Variants in TLE3 observed in about 807,000 individuals in gnomAD.
The protein encoded by TLE3 is transducin-like enhancer protein 3.
Under a neutral mutation model 93.0 loss-of-function variants are expected in TLE3, and 14 were observed. The observed-to-expected ratio is 0.15, with a 90% CI of 0.10 to 0.24. The LOEUF (loss-of-function observed/expected upper bound fraction) is 0.24. Among genes scored for constraint, TLE3 ranks in the 10% least tolerant of loss-of-function variants. TLE3 has a pLI of 1.00. For missense variants in TLE3, 693 were observed against 1,046.6 expected, an observed-to-expected ratio of 0.66 and a Z score of 4.66; for synonymous variants, 451 against 425.0, an observed-to-expected ratio of 1.06 and a Z score of -0.75.
intron 1 of TLE3, 174 bp from the exon 2 acceptor site, chr15:70,096,435 C>T (rs1160284929): frequency 1.6e-6 from 2 of 1,263,288 alleles, no homozygotes; most frequent in Admixed American, 2.8e-5. Context: ...CCCATCTCTC[C>T]CCGTCGGCAG....
In TLE3 at chr15:70,049,855, G is replaced by C. The variant is rs1025158318; in HGVS notation, c.*242C>G. 2 of 442,980 alleles carry C rather than the reference G, an allele frequency of 4.5e-6. No homozygotes were observed. Among genetic ancestry groups the C allele is most frequent in the South Asian group, 3.1e-5 (1 of 32,498 alleles). The allele number at this position is 442,980 out of a possible 1,614,324, so 27.4% of individuals were successfully genotyped here. ...ATAAATCTATTTGTAGCAACTGCCA[G>C]CATTGTTCAGGGGGAGGAGGAGGAG... On this transcript the variant is annotated 3_prime_UTR_variant, in exon 20 of 20. Coordinates refer to ENST00000451782, the MANE Select transcript of TLE3 (RefSeq NM_001105192.3).
At chr15:70,057,718 G>A (rs997748820) in intron 12 of TLE3, 60 bp from the exon 13 acceptor site, 47 of 1,522,440 alleles carry the variant, frequency 3.1e-5, no homozygotes, top group African/African-American at 4.1e-5. Context: ...GGCCATGGCC[G>A]CCTCACCCAG....
intron 4 of TLE3, among the ~76,000 whole-genome samples, chr15:70,078,534 C>T (rs2141860658): frequency 6.6e-6 from 1 of 152,394 alleles, no homozygotes; most frequent in African/African-American, 2.4e-5. Context: ...AATAGTATCA[C>T]TGGCATCTCT....
At position 70,058,890 on chromosome 15, in the gene TLE3, A is replaced by G; in HGVS notation, c.766-75T>C. ...GAGGCTTCCCTGCTCTGGGAGTGGGAAGAGAGAGGGCATGGGCGATGGGAA... is the reference window on the plus strand; with the variant it reads ...GAGGCTTCCCTGCTCTGGGAGTGGGGAGAGAGAGGGCATGGGCGATGGGAA... On this transcript the variant is annotated intron_variant, in intron 10 of 19. Coordinates refer to ENST00000451782, the MANE Select transcript of TLE3 (RefSeq NM_001105192.3). This position sits in a 1 kb window ranked among gnomAD's most constrained non-coding sequence, Gnocchi z 4.1. 1 of 1,462,428 alleles carries G rather than the reference A, an allele frequency of 6.8e-7. No homozygotes were observed. Among genetic ancestry groups the G allele is most frequent in the Non-Finnish European group, 9.0e-7 (1 of 1,109,832 alleles). The allele number at this position is 1,462,428 out of a possible 1,614,324, so 90.6% of individuals were successfully genotyped here.
Position 70,058,072 on chromosome 15 carries a change from T to G in TLE3, c.1051+87A>C. The G allele has an allele frequency of 6.3e-7, 1 of 1,587,324 alleles. No individual in the cohort carries two copies. Among genetic ancestry groups the G allele is most frequent in the African/African-American group, 1.3e-5 (1 of 74,486 alleles). ...GAGACACTGCCTGTGCTCTATCCCA[T>G]GCGTGTGTGTCACCCCTGCCCTGGC... On this transcript the variant is annotated intron_variant, in intron 12 of 19. Transcript: ENST00000451782. This position sits in a 1 kb window ranked among gnomAD's most constrained non-coding sequence, Gnocchi z 4.1.
Position 70,059,312 on chromosome 15 carries a change from A to G in TLE3, c.765+98T>C. 2.8e-6 allele frequency: 4 copies of G among 1,408,754 alleles called. No homozygotes were observed. In the South Asian group the frequency reaches 5.3e-5, roughly 19 times the overall value. 87.3% of individuals were successfully genotyped at this position (1,408,754 alleles called of 1,614,324 possible). A position where few individuals can be genotyped will look rare whatever the true frequency, so the allele number is the denominator to read the frequency against. On this transcript the variant is annotated intron_variant, in intron 10 of 19. Coordinates refer to ENST00000451782, the MANE Select transcript of TLE3 (RefSeq NM_001105192.3). Reference sequence around the variant, plus strand: ...GCCTTGTCTCCCTGCTCAGGCTGCCAGTAATACTAGAACAGACAGAATAGA... The same window carrying G: ...GCCTTGTCTCCCTGCTCAGGCTGCCGGTAATACTAGAACAGACAGAATAGA...
intron 4 of TLE3, among the ~76,000 whole-genome samples, chr15:70,087,702 G>A (rs1294194362): frequency 2.0e-5 from 3 of 151,884 alleles, no homozygotes; most frequent in Non-Finnish European, 4.4e-5. Context: ...GGTTTCCCTG[G>A]CCTCTCAGGC....
intron 16 of TLE3, chr15:70,053,597 T>A: frequency 2.5e-6 from 1 of 400,306 alleles, no homozygotes; most frequent in Non-Finnish European, 4.3e-6. Context: ...ACAAGTCCCC[T>A]GGGAAATGGG....
rs953716307 is a variant in TLE3, at chr15:70,052,117, C to A, written c.2125+257G>T. Among the ~76,000 whole-genome samples, 93 of 152,180 alleles carry A rather than the reference C, an allele frequency of 6.1e-4. 1 individual carries two copies. The highest frequency in any genetic ancestry group is 6.0e-4 in the Non-Finnish European group (41 of 68,026). On this transcript the variant is annotated intron_variant, in intron 18 of 19. Transcript: ENST00000451782. ...CACTGCTACTGTCCTGTTCCTTTGC[C>A]CCAAGCCTGCAAGAACTGGCTCTGG...
chr15:70,050,058 G>A lies in TLE3; in HGVS notation c.*39C>T. The A allele has an allele frequency of 6.3e-7, 1 of 1,576,704 alleles. No individual in the cohort carries two copies. Among genetic ancestry groups the A allele is most frequent in the Non-Finnish European group, 8.7e-7 (1 of 1,146,572 alleles). On this transcript the variant is annotated 3_prime_UTR_variant, in exon 20 of 20. Transcript: ENST00000451782. Reference sequence around the variant, plus strand: ...GGGTCTCCCTGTCAGAGCCGAGTCGGTTTCTCCCAGAGTTTGACAGCCCTG... The same window carrying A: ...GGGTCTCCCTGTCAGAGCCGAGTCGATTTCTCCCAGAGTTTGACAGCCCTG...
At position 70,097,790 on chromosome 15, in the gene TLE3, A is replaced by ACG. The variant is rs1354899244; in HGVS notation, c.-994_-993dup. ...AAACACACACACCCAACACACACAC[A>ACG]CGCGCGCACGCACACACACACACAC... On this transcript the variant is annotated 5_prime_UTR_variant, in exon 1 of 20. Coordinates refer to ENST00000451782, the MANE Select transcript of TLE3 (RefSeq NM_001105192.3). The ACG allele has an allele frequency of 1.5e-4, 53 of 361,938 alleles. No individual in the cohort carries two copies. Among genetic ancestry groups the ACG allele is most frequent in the African/African-American group, 1.2e-3 (50 of 43,478 alleles). 22.4% of individuals were successfully genotyped at this position (361,938 alleles called of 1,614,324 possible).
intron 6 of TLE3, among the ~76,000 whole-genome samples, chr15:70,073,788 C>G (rs1223118878): frequency 1.3e-5 from 2 of 152,192 alleles, no homozygotes; most frequent in Admixed American, 1.3e-4. Flanking sequence ...TCACTAGCCT[C>G]ACACCAAAGC....
At chr15:70,091,311 GC>G (rs2058296457) in intron 4 of TLE3, among the ~76,000 whole-genome samples, 1 of 152,260 alleles carries the variant, frequency 6.6e-6, no homozygotes, top group South Asian at 2.1e-4. Context: ...TGAAAAGGCT[GC>G]CTGACCCAGC....
intron 8 of TLE3, chr15:70,060,895 G>A (rs1307812303): frequency 3.9e-6 from 2 of 519,026 alleles, no homozygotes; most frequent in Non-Finnish European, 7.2e-6. Context: ...GCTCTGCACT[G>A]CTATTAAATA....
In TLE3 at chr15:70,058,854, C is replaced by T. The variant is rs1484646893; in HGVS notation, c.766-39G>A. On this transcript the variant is annotated intron_variant, in intron 10 of 19. Coordinates refer to ENST00000451782, the MANE Select transcript of TLE3 (RefSeq NM_001105192.3). The surrounding 1 kb of genome is among the most constrained non-coding windows in gnomAD (Gnocchi z 4.1). ...TGATGCAGAGATGCACTGAAAGCAACAGCCAGCCTCGAGGCTTCCCTGCTC... is the reference window on the plus strand; with the variant it reads ...TGATGCAGAGATGCACTGAAAGCAATAGCCAGCCTCGAGGCTTCCCTGCTC... The T allele has an allele frequency of 6.6e-7, 1 of 1,511,578 alleles. No homozygotes were observed. Among genetic ancestry groups the T allele is most frequent in the Non-Finnish European group, 8.8e-7 (1 of 1,131,716 alleles). 93.6% of individuals were successfully genotyped at this position (1,511,578 alleles called of 1,614,324 possible).
rs2055363527 is a variant in TLE3, at chr15:70,049,830, A to T, written c.*267T>A. 1.1e-5 allele frequency: 4 copies of T among 368,226 alleles called. No individual in the cohort carries two copies. Among genetic ancestry groups the T allele is most frequent in the Admixed American group, 3.8e-5 (1 of 26,436 alleles). The allele number at this position is 368,226 out of a possible 1,614,324, so 22.8% of individuals were successfully genotyped here. A position where few individuals can be genotyped will look rare whatever the true frequency, so the allele number is the denominator to read the frequency against. On this transcript the variant is annotated 3_prime_UTR_variant, in exon 20 of 20. Transcript: ENST00000451782. ...GGGGAACCGGAGCCATAAGCCTCCA[A>T]TAAATCTATTTGTAGCAACTGCCAG...
chr15:70,085,413 T>C (rs1431382536), intron 4 of TLE3, among the ~76,000 whole-genome samples: 1 of 152,206 alleles, frequency 6.6e-6, no homozygotes, highest in African/African-American at 2.4e-5. Flanking sequence ...ACTGGCTTGC[T>C]GGGAACCCAC....
chr15:70,076,246 C>T, intron 4 of TLE3, 88 bp from the exon 5 acceptor site: 4 of 1,222,494 alleles, frequency 3.3e-6, no homozygotes, highest in South Asian at 1.2e-5. Flanking sequence ...AAACTCCCCC[C>T]AGACCACAGC....
chr15:70,073,163 A>G (rs192279307), intron 6 of TLE3, among the ~76,000 whole-genome samples: 17 of 152,340 alleles, frequency 1.1e-4, no homozygotes, highest in African/African-American at 2.9e-4. Context: ...GCCGGTGTCC[A>G]TAAGTGTCAT....
Sources: allele counts gnomAD v4.1 joint callset (sites outside exome capture counted in the v4.1 genomes callset), GRCh38; gene constraint gnomAD v4.1.1; non-coding constraint Gnocchi (gnomAD v3.1); transcripts MANE v1.5; gene names NCBI Gene and HGNC (gene_info 2026-07-23, HGNC 2026-07-21).